The following MAPK6 variants were observed in gnomAD, a reference collection of about 807,000 sequenced individuals.
MAPK6 encodes the protein ERK-3.
A neutral mutation model predicts 59.3 loss-of-function variants in MAPK6; 19 were observed. That is an observed-to-expected ratio of 0.32 (90% CI 0.22 to 0.47). The LOEUF (loss-of-function observed/expected upper bound fraction) is 0.47. Ranked by LOEUF, MAPK6 falls within the 20% of genes least tolerant of loss-of-function variation. The probability of loss-of-function intolerance (pLI) is 1.00; values close to 1 mark genes in which losing one functional copy is unlikely to be tolerated. For synonymous variants in MAPK6, 316 were observed against 290.3 expected (o/e 1.09, Z -0.90); for missense variants, 724 against 847.9 (o/e 0.85, Z 1.81).
chr15:52,039,076 G>A (rs374085212), intron 1 of MAPK6, among the ~76,000 whole-genome samples: 1 of 152,162 alleles, frequency 6.6e-6, no homozygotes, highest in African/African-American at 2.4e-5. Flanking sequence ...GCAGTGGCAC[G>A]ATCTTGGCTC....
intron 2 of MAPK6, among the ~76,000 whole-genome samples, chr15:52,049,348 AT>A (rs1329693528): frequency 2.3e-5 from 3 of 131,140 alleles, no homozygotes; most frequent in Non-Finnish European, 4.7e-5. Flanking sequence ...CTAGAGTTAT[AT>A]AATTTTTTTT....
intron 1 of MAPK6, 146 bp downstream of exon 1, chr15:52,019,522 C>G (rs2030416778): frequency 6.8e-6 from 1 of 146,912 alleles, no homozygotes; most frequent in Non-Finnish European, 1.5e-5. Context: ...GGCTGCCGCT[C>G]AACAAAGGCG....
chr15:51,988,631 C>A (rs917506140), intron 2 of MAPK6, among the ~76,000 whole-genome samples: 1 of 151,832 alleles, frequency 6.6e-6, no homozygotes, highest in Non-Finnish European at 1.5e-5. Context: ...ACTCGGGAGG[C>A]TGAGGCAGGG....
At chr15:52,058,501 G>C in intron 3 of MAPK6, 132 bp from the exon 4 acceptor site, 1 of 668,060 alleles carries the variant, frequency 1.5e-6, no homozygotes, top group Non-Finnish European at 2.3e-6. Flanking sequence ...TCAAAGCAAT[G>C]AAACCTGCTG....
At chr15:51,985,634 G>A (rs1420616858) in intron 2 of MAPK6, among the ~76,000 whole-genome samples, 1 of 151,684 alleles carries the variant, frequency 6.6e-6, no homozygotes, top group Non-Finnish European at 1.5e-5. Context: ...CAACCTGGGT[G>A]ACAGAGCGAC....
intron 1 of MAPK6, among the ~76,000 whole-genome samples, chr15:51,975,731 A>G (rs575275350): frequency 6.6e-6 from 1 of 151,866 alleles, no homozygotes; most frequent in South Asian, 2.1e-4. Context: ...TTTTCTGAGC[A>G]CTTTGTGGAA....
chr15:51,983,683 T>C (rs1356197931), intron 2 of MAPK6, among the ~76,000 whole-genome samples: 2 of 151,966 alleles, frequency 1.3e-5, no homozygotes. Flanking sequence ...GGCACATGCC[T>C]GTAGTCCCAG....
intron 2 of MAPK6, among the ~76,000 whole-genome samples, chr15:51,991,154 C>T (rs911051211): frequency 6.1e-5 from 8 of 132,182 alleles, no homozygotes; most frequent in African/African-American, 2.8e-4. Flanking sequence ...TATATACACA[C>T]ACACACACAC....
At chr15:52,043,812 G>A (rs1228112458) in intron 1 of MAPK6, among the ~76,000 whole-genome samples, 1 of 122,734 alleles carries the variant, frequency 8.1e-6, no homozygotes, top group Non-Finnish European at 1.6e-5. Context: ...AGGCTGGAGT[G>A]CAATGGCAGG....
chr15:52,010,720 T>C (rs1416316461), intron 3 of MAPK6, among the ~76,000 whole-genome samples: 1 of 152,120 alleles, frequency 6.6e-6, no homozygotes, highest in African/African-American at 2.4e-5. Context: ...GATTTTACCA[T>C]GTTGGCTAGG....
At chr15:51,996,793 A>C (rs1326123718) in intron 2 of MAPK6, among the ~76,000 whole-genome samples, 1 of 151,836 alleles carries the variant, frequency 6.6e-6, no homozygotes, top group Non-Finnish European at 1.5e-5. Flanking sequence ...CCTGGGCTCA[A>C]ATGATCCTCC....
intron 1 of MAPK6, among the ~76,000 whole-genome samples, chr15:51,982,493 C>T (rs895872350): frequency 6.6e-6 from 1 of 152,164 alleles, no homozygotes; most frequent in Non-Finnish European, 1.5e-5. Context: ...AAATGAGGTA[C>T]ACACACATAC....
chr15:52,051,671 T>C (rs1202775211), intron 3 of MAPK6, among the ~76,000 whole-genome samples: 6 of 151,772 alleles, frequency 4.0e-5, no homozygotes, highest in African/African-American at 1.2e-4. Context: ...GTCAGGAGTT[T>C]GAGACCAGGC....
intron 3 of MAPK6, among the ~76,000 whole-genome samples, chr15:52,054,133 G>C (rs146149001): frequency 7.3e-5 from 11 of 151,614 alleles, no homozygotes; most frequent in Admixed American, 6.6e-4. Context: ...TTTGGGATGC[G>C]GAGGCAAGTG....
intron 2 of MAPK6, among the ~76,000 whole-genome samples, chr15:51,987,912 C>A (rs533047526): frequency 6.6e-6 from 1 of 152,036 alleles, no homozygotes; most frequent in East Asian, 1.9e-4. Context: ...ATTACAGGCG[C>A]ACGCCACCAC....
chr15:52,016,104 AC>A (rs1339129742), upstream of MAPK6, among the ~76,000 whole-genome samples: 50 of 139,018 alleles, frequency 3.6e-4, 1 homozygote, highest in African/African-American at 1.3e-3. Context: ...ACACACACAC[AC>A]ACAAACTAAA....
intron 3 of MAPK6, among the ~76,000 whole-genome samples, chr15:52,005,289 C>G (rs964737826): frequency 6.6e-6 from 1 of 152,058 alleles, no homozygotes; most frequent in Non-Finnish European, 1.5e-5. Flanking sequence ...CTTTGGGAGG[C>G]TGAGGAGGGC....
At chr15:52,062,335 A>T (rs2032235709) in intron 5 of MAPK6, among the ~76,000 whole-genome samples, 1 of 152,044 alleles carries the variant, frequency 6.6e-6, no homozygotes, top group Admixed American at 6.6e-5. Context: ...CCAGTATTTG[A>T]ATCTGTTTTC....
At chr15:52,003,214 A>T (rs1002963126) in intron 2 of MAPK6, among the ~76,000 whole-genome samples, 1 of 152,052 alleles carries the variant, frequency 6.6e-6, no homozygotes, top group African/African-American at 2.4e-5. Context: ...AACAAACAAA[A>T]AAAACACGAT....
Sources: allele counts gnomAD v4.1 joint callset (sites outside exome capture counted in the v4.1 genomes callset), GRCh38; gene constraint gnomAD v4.1.1; transcripts MANE v1.5; gene names NCBI Gene and HGNC (gene_info 2026-07-23, HGNC 2026-07-21).